ATP2B2: variants seen among roughly 807,000 people sequenced by gnomAD.
The protein encoded by ATP2B2 is ATPase plasma membrane Ca2+ transporting 2.
Under a neutral mutation model 120.0 loss-of-function variants are expected in ATP2B2, and 15 were observed. The observed-to-expected ratio is 0.12, with a 90% CI of 0.08 to 0.19. The LOEUF (loss-of-function observed/expected upper bound fraction) is 0.19. Among genes scored for constraint, ATP2B2 ranks in the 10% least tolerant of loss-of-function variants. The probability of loss-of-function intolerance (pLI) is 1.00; values close to 1 mark genes in which losing one functional copy is unlikely to be tolerated. For missense variants in ATP2B2, 1,045 were observed against 1,719.8 expected (o/e 0.61, Z 6.94); for synonymous variants, 694 against 700.3 (o/e 0.99, Z 0.14).
chr3:10,504,452 G>A (rs922557939), intron 1 of ATP2B2, among the ~76,000 whole-genome samples: 5 of 152,086 alleles, frequency 3.3e-5, no homozygotes, highest in African/African-American at 4.8e-5. Context: ...CCGGCTGGTC[G>A]GGCTTGCCTG....
At chr3:10,665,438 G>A (rs530053443) in intron 1 of ATP2B2, among the ~76,000 whole-genome samples, 4 of 152,204 alleles carry the variant, frequency 2.6e-5, no homozygotes, top group East Asian at 1.9e-4. Context: ...CTCTGTGCAC[G>A]GCATGCACCT....
intron 2 of ATP2B2, among the ~76,000 whole-genome samples, chr3:10,590,066 T>G (rs1252295034): frequency 6.6e-6 from 1 of 152,216 alleles, no homozygotes; most frequent in Non-Finnish European, 1.5e-5. Flanking sequence ...CTACCTCTGG[T>G]GCATCCCTCC....
chr3:10,629,032 C>G (rs2069787981), intron 1 of ATP2B2, among the ~76,000 whole-genome samples: 1 of 152,226 alleles, frequency 6.6e-6, no homozygotes, highest in Admixed American at 6.5e-5. Flanking sequence ...CTGGATGAAG[C>G]TGCCTAACAC....
chr3:10,572,168 C>A (rs1232124320), intron 2 of ATP2B2, among the ~76,000 whole-genome samples: 1 of 152,206 alleles, frequency 6.6e-6, no homozygotes, highest in Non-Finnish European at 1.5e-5. Context: ...ATGAAGCCAG[C>A]CTGGATCAGC....
At chr3:10,641,745 G>C (rs1475514507) in intron 1 of ATP2B2, among the ~76,000 whole-genome samples, 12 of 152,294 alleles carry the variant, frequency 7.9e-5, no homozygotes, top group African/African-American at 2.6e-4. Context: ...ACCGGGAAAG[G>C]AGGGCATGGA....
chr3:10,436,916 G>A (rs2063498060), intron 2 of ATP2B2, among the ~76,000 whole-genome samples: 1 of 152,150 alleles, frequency 6.6e-6, no homozygotes, highest in Non-Finnish European at 1.5e-5. Flanking sequence ...GCCATTGTCA[G>A]GACATACGAT....
intron 1 of ATP2B2, among the ~76,000 whole-genome samples, chr3:10,669,252 G>A (rs1559512965): frequency 6.6e-6 from 1 of 152,126 alleles, no homozygotes; most frequent in Non-Finnish European, 1.5e-5. Context: ...CACATCTTTG[G>A]GGTTACAGCA....
upstream of ATP2B2, among the ~76,000 whole-genome samples, chr3:10,507,300 A>G (rs1294998739): frequency 6.6e-6 from 1 of 152,100 alleles, no homozygotes; most frequent in Non-Finnish European, 1.5e-5. Context: ...TCTCTGCTTC[A>G]TCTTGCGGGT....
chr3:10,559,114 G>A (rs2067844642), intron 2 of ATP2B2, among the ~76,000 whole-genome samples: 1 of 152,238 alleles, frequency 6.6e-6, no homozygotes, highest in Non-Finnish European at 1.5e-5. Context: ...GTCCCCCCAG[G>A]AGGGGTAGTA....
intron 1 of ATP2B2, among the ~76,000 whole-genome samples, chr3:10,683,760 G>GTGCATATATA (rs1446781892): frequency 5.6e-5 from 3 of 53,888 alleles, no homozygotes; most frequent in African/African-American, 5.6e-5. Flanking sequence ...GTGTGTGTGT[G>GTGCATATATA]TATATATATA....
Position 10,359,542 on chromosome 3 carries a change from C to T in ATP2B2, c.1901+340G>A, listed in dbSNP as rs17032747. On this transcript the variant is annotated intron_variant, in intron 13 of 22. Transcript: ENST00000360273. ...AAATAGCTACCATCAACCAACTCTA[C>T]GCTAAAGGAAATGAAATAAGAGAGA... Among the ~76,000 whole-genome samples the T allele has an allele frequency of 3.4e-4, 52 of 152,102 alleles. No homozygotes were observed. The East Asian group carries it at 5.2e-3, about 15-fold the overall frequency.
At chr3:10,674,613 T>G (rs2125695627) in intron 1 of ATP2B2, among the ~76,000 whole-genome samples, 1 of 152,370 alleles carries the variant, frequency 6.6e-6, no homozygotes, top group South Asian at 2.1e-4. Context: ...TTTTAACATT[T>G]TAGTTCTACA....
At chr3:10,578,793 A>AAAT (rs1456585347) in intron 2 of ATP2B2, among the ~76,000 whole-genome samples, 1 of 152,168 alleles carries the variant, frequency 6.6e-6, no homozygotes, top group African/African-American at 2.4e-5. Flanking sequence ...ATGTTGAGTG[A>AAAT]AATAAGCCAG....
At chr3:10,627,824 G>A (rs545852815) in intron 1 of ATP2B2, among the ~76,000 whole-genome samples, 2 of 152,304 alleles carry the variant, frequency 1.3e-5, no homozygotes, top group South Asian at 4.1e-4. Flanking sequence ...ACAGTCTGAT[G>A]GCCGTTTATC....
intron 1 of ATP2B2, among the ~76,000 whole-genome samples, chr3:10,683,075 T>C (rs1376961634): frequency 6.6e-6 from 1 of 152,108 alleles, no homozygotes; most frequent in African/African-American, 2.4e-5. Context: ...GTATGTGTAC[T>C]TCACCTCCAT....
In ATP2B2 at chr3:10,342,700, C is replaced by G. The variant is rs1190094183; in HGVS notation, c.2917+52G>C. 1 of 1,594,828 alleles carries G rather than the reference C, an allele frequency of 6.3e-7. No homozygotes were observed. The highest frequency in any genetic ancestry group is 8.6e-7 in the Non-Finnish European group (1 of 1,163,760). ...ATGCTGGGTGAGAGCCATGGTGCAC[C>G]CAGAAGGTGATGACCCCGCCTGGGA... On this transcript the variant is annotated intron_variant, in intron 19 of 22. Coordinates refer to ENST00000360273, the MANE Select transcript of ATP2B2 (RefSeq NM_001001331.4). The surrounding 1 kb of genome is among the most constrained non-coding windows in gnomAD (Gnocchi z 4.4).
chr3:10,666,804 G>A (rs995166805), intron 1 of ATP2B2, among the ~76,000 whole-genome samples: 1 of 152,194 alleles, frequency 6.6e-6, no homozygotes, highest in Admixed American at 6.5e-5. Flanking sequence ...GCCCCGCCCT[G>A]AGACCTGCTT....
chr3:10,513,594 C>G (rs571064222), intron 3 of ATP2B2, among the ~76,000 whole-genome samples: 1 of 152,282 alleles, frequency 6.6e-6, no homozygotes, highest in East Asian at 1.9e-4. Context: ...GTCCTATGAT[C>G]CACTCAATGT....
chr3:10,662,136 C>G (rs1377313505), intron 1 of ATP2B2, among the ~76,000 whole-genome samples: 1 of 152,124 alleles, frequency 6.6e-6, no homozygotes, highest in Non-Finnish European at 1.5e-5. Context: ...AGACCTAAAA[C>G]CATAAAAACC....
Sources: gnomAD v4.1 joint callset for allele counts (sites outside exome capture counted in the v4.1 genomes callset) on GRCh38, gnomAD v4.1.1 for gene constraint, Gnocchi (gnomAD v3.1) non-coding constraint, MANE v1.5 for transcripts, NCBI Gene and HGNC (gene_info 2026-07-23, HGNC 2026-07-21) for gene names.